The following MNT variants were observed in gnomAD, a reference collection of about 807,000 sequenced individuals.
The protein encoded by MNT is MAX network transcriptional repressor.
MNT carries 13 observed loss-of-function variants against 40.7 expected under a neutral mutation model. The ratio of observed to expected loss-of-function variants is 0.32; its 90% CI spans 0.21 to 0.51. The LOEUF (loss-of-function observed/expected upper bound fraction) is 0.51, where lower values mean the gene tolerates loss of function less well. MNT is among the 20% of genes least tolerant of loss of function. The pLI is 0.98. For synonymous variants in MNT, 426 were observed against 354.8 expected, an observed-to-expected ratio of 1.20 and a Z score of -2.26; for missense variants, 757 against 792.0, an observed-to-expected ratio of 0.96 and a Z score of 0.53.
Position 2,387,846 on chromosome 17 carries a change from C to T in MNT, c.1000+11G>A, listed in dbSNP as rs1425116393. On this transcript the variant is annotated intron_variant, in intron 5 of 5. Transcript: ENST00000174618. ...GAGGGCTGGGGGGCCAGCGTGGGGG[C>T]TGGGGCTCACCAGAGGCGGTGGAGG... 1.9e-6 allele frequency: 3 copies of T among 1,591,998 alleles called. No individual in the cohort carries two copies. The highest frequency in any genetic ancestry group is 4.5e-5 in the East Asian group (2 of 44,718).
In MNT at chr17:2,395,266, C is replaced by T. The variant is rs1339669974; in HGVS notation, c.262G>A (p.Val88Ile). 1.3e-6 allele frequency: 2 copies of T among 1,527,792 alleles called. No individual in the cohort carries two copies. The highest frequency in any genetic ancestry group is 1.8e-5 in the Admixed American group (1 of 56,120). 94.6% of individuals were successfully genotyped at this position (1,527,792 alleles called of 1,614,324 possible). ...TTGGTCACCACAGGGATAGGGATGA[C>T]AGTCAGTGGGGCAGGGGTGGCAAGT... is the stretch of plus-strand genomic sequence containing the variant. ...PPLATPAPLT[V>I]IPIPVVTNSP... Residue 88 changes from valine (V) to isoleucine (I), a missense_variant, in exon 2 of 6, where the codon GTC (valine) becomes ATC (isoleucine). Coordinates refer to ENST00000174618, the MANE Select transcript of MNT (RefSeq NM_020310.3).
chr17:2,398,201 G>A (rs57165687), intron 1 of MNT, among the ~76,000 whole-genome samples: 4 of 152,160 alleles, frequency 2.6e-5, no homozygotes, highest in Non-Finnish European at 4.4e-5. Flanking sequence ...CAACTCCCTC[G>A]AAACAAGGCA....
At chr17:2,388,797 G>A (rs569591625) in intron 4 of MNT, among the ~76,000 whole-genome samples, 14 of 151,228 alleles carry the variant, frequency 9.3e-5, no homozygotes, top group East Asian at 3.9e-4. Flanking sequence ...GCTCCAACCC[G>A]ACACTTCATC....
chr17:2,394,087 T>G lies in MNT; in HGVS notation c.763A>C (p.Thr255Pro). Residue 255 changes from threonine to proline, a missense_variant, in exon 4 of 6, where the codon ACG becomes CCG. Physicochemically the swap from Thr to Pro is conservative, Grantham distance 38. Transcript: ENST00000174618. ...RNIPNVDDKK[T>P]SNLSVLRTAL... ...GTCCGCAGCACGCTCAGATTGGACG[T>G]CTTCTTGTCATCCACGTTGGGGATG... 1 of 1,608,702 alleles carries G rather than the reference T, an allele frequency of 6.2e-7. No homozygotes were observed. The highest frequency in any genetic ancestry group is 8.5e-7 in the Non-Finnish European group (1 of 1,177,756).
intron 4 of MNT, chr17:2,389,215 T>C (rs2066493252): frequency 6.6e-6 from 1 of 151,666 alleles, no homozygotes; most frequent in South Asian, 2.1e-4. Flanking sequence ...CGAGGCTGGT[T>C]TGGATTTGGG....
rs774980466 is a variant in MNT, at chr17:2,394,103, G to C, written c.747C>G (p.Asn249Lys). 24 of 1,609,402 alleles carry C rather than the reference G, an allele frequency of 1.5e-5. No individual in the cohort carries two copies. The highest frequency in any genetic ancestry group is 3.3e-5 in the Admixed American group (2 of 59,796). The stretch of plus-strand genomic sequence containing the variant: ...GATTGGACGTCTTCTTGTCATCCAC[G>C]TTGGGGATGTTCCGCTTCAGGGTCT... ...CFETLKRNIP[N>K]VDDKKTSNLS... Residue 249 changes from asparagine to lysine, a missense_variant, in exon 4 of 6, where the codon AAC (asparagine) becomes AAG (lysine). Around this residue, in one of 4 missense-constraint regions of MNT, gnomAD observed 73 missense variants for 100.8 expected, o/e 0.72. Coordinates refer to ENST00000174618, the MANE Select transcript of MNT (RefSeq NM_020310.3).
intron 2 of MNT, 141 bp downstream of exon 2, chr17:2,394,734 G>A (rs946998596): frequency 7.6e-6 from 5 of 654,598 alleles, no homozygotes; most frequent in South Asian, 1.9e-5. Context: ...TCCTTCCCAG[G>A]ATAGACATGG....
rs200342283 is a variant in MNT, at chr17:2,387,665, G to A, written c.1001-16C>T. 1,799 of 1,613,736 alleles carry A rather than the reference G, an allele frequency of 1.1e-3. 4 individuals carry two copies. Among genetic ancestry groups the A allele is most frequent in the Non-Finnish European group, 1.4e-3 (1,635 of 1,179,878 alleles). ...TCCTCACCCTCTGTGGGGAACATGG[G>A]GCAGGGAGCAGGTCAGAAGGGCGGG... On this transcript the variant is annotated splice_polypyrimidine_tract_variant and intron_variant, in intron 5 of 5. Coordinates refer to ENST00000174618, the MANE Select transcript of MNT (RefSeq NM_020310.3).
In MNT at chr17:2,385,829, T is replaced by C. The variant is rs935442096; in HGVS notation, c.*1072A>G. On this transcript the variant is annotated 3_prime_UTR_variant, in exon 6 of 6. Coordinates refer to ENST00000174618, the MANE Select transcript of MNT (RefSeq NM_020310.3). ...AGCCGCTGGGTTTTTACCTTCCTGA[T>C]GTCTCAACGATGTGGCTTCTATGCT... 6.6e-6 allele frequency: 1 copy of C among 152,304 alleles called. No individual in the cohort carries two copies. The highest frequency in any genetic ancestry group is 2.4e-5 in the African/African-American group (1 of 41,450). The allele number at this position is 152,304 out of a possible 1,614,324, so 9.4% of individuals were successfully genotyped here.
chr17:2,394,277 G>GCGCGCGCGCACACA (rs1555611876), intron 3 of MNT, 28 bp downstream of exon 3: 3 of 1,489,246 alleles, frequency 2.0e-6, no homozygotes, highest in Non-Finnish European at 2.7e-6. Flanking sequence ...ACGCACGCAC[G>GCGCGCGCGCACACA]CACACACACA....
chr17:2,399,566 G>C (rs910306376), intron 1 of MNT, among the ~76,000 whole-genome samples: 64 of 152,312 alleles, frequency 4.2e-4, no homozygotes, highest in African/African-American at 1.4e-3. Context: ...TCCCTCGCAG[G>C]GCAAAGGCTC....
At chr17:2,389,782 G>A (rs1046220142) in intron 4 of MNT, 1 of 152,316 alleles carries the variant, frequency 6.6e-6, no homozygotes, top group East Asian at 1.9e-4. Context: ...GAAGGGGGTG[G>A]TGTCTCCAGC....
rs755974200 is a variant in MNT at position 2,387,011 on chromosome 17, C to A, written c.1639G>T (p.Val547Leu). Residue 547 changes from valine (V) to leucine (L), a missense_variant, in exon 6 of 6, where the codon GTG becomes TTG. By Grantham distance (32) the Val-to-Leu change is conservative (BLOSUM62 1). This residue lies in a region of MNT where 345 missense variants were observed against 380.1 expected (regional missense o/e 0.91). Coordinates refer to ENST00000174618, the MANE Select transcript of MNT (RefSeq NM_020310.3). ...GGGTGGTGCACCACCTGAGCCCCCA[C>A]GGCCGGCTTTGCCATGACAGTAGCC... is the stretch of plus-strand genomic sequence containing the variant. ...PPATVMAKPAVGAQVVHHPQL... is the reference protein window; with the variant it reads ...PPATVMAKPALGAQVVHHPQL... 2 of 1,536,854 alleles carry A rather than the reference C, an allele frequency of 1.3e-6. No individual in the cohort carries two copies. Among genetic ancestry groups the A allele is most frequent in the East Asian group, 4.8e-5 (2 of 41,758 alleles).
At chr17:2,391,960 C>T (rs757425819) in intron 4 of MNT, 1 of 152,286 alleles carries the variant, frequency 6.6e-6, no homozygotes, top group Non-Finnish European at 1.5e-5. Context: ...CAAAAAGCAT[C>T]CTGTTCCCTC....
intron 2 of MNT, 101 bp from the exon 3 acceptor site, chr17:2,394,447 C>A: frequency 6.5e-7 from 1 of 1,549,084 alleles, no homozygotes. Context: ...CTGTTTGTCC[C>A]CAACACTGTC....
Position 2,395,211 on chromosome 17 carries a change from G to C in MNT, c.317C>G (p.Pro106Arg). ...NSPQPLPPPP[P>R]LPAAAQPLPL... is the part of the protein sequence containing the mutation. ...CAGAGGCTGGGCTGCCGCGGGCAAG[G>C]GTGGGGGTGGGGGTAGAGGCTGAGG... The change falls in exon 2 of 6, where the codon CCC (proline) becomes CGC (arginine). Residue 106 changes from proline to arginine, a missense_variant. This residue lies in a region of MNT where 335 missense variants were observed against 291.4 expected (regional missense o/e 1.15). Coordinates refer to ENST00000174618, the MANE Select transcript of MNT (RefSeq NM_020310.3). 2.7e-6 allele frequency: 4 copies of C among 1,467,922 alleles called. No homozygotes were observed. The highest frequency in any genetic ancestry group is 3.6e-6 in the Non-Finnish European group (4 of 1,110,114). 90.9% of individuals were successfully genotyped at this position (1,467,922 alleles called of 1,614,324 possible).
intron 4 of MNT, chr17:2,392,848 C>T (rs1244374529): frequency 6.6e-6 from 1 of 152,092 alleles, no homozygotes; most frequent in Non-Finnish European, 1.5e-5. Flanking sequence ...CGCGCCAGCC[C>T]CGCCCCCTGG....
rs371767991 is a variant in MNT at position 2,400,760 on chromosome 17, C to T, written c.-48G>A. On this transcript the variant is annotated 5_prime_UTR_variant, in exon 1 of 6. Transcript: ENST00000174618. ...GCGCCGGGGCCGAGGCTGCGGCCCG[C>T]GAGCCGGGCACAGGTCAGGCTGGCG... The T allele has an allele frequency of 1.6e-4, 238 of 1,475,850 alleles. No homozygotes were observed. The highest frequency in any genetic ancestry group is 2.0e-4 in the Non-Finnish European group (226 of 1,113,858). The allele number at this position is 1,475,850 out of a possible 1,614,324, so 91.4% of individuals were successfully genotyped here.
intron 4 of MNT, among the ~76,000 whole-genome samples, chr17:2,392,336 A>C (rs2151668453): frequency 6.6e-6 from 1 of 152,268 alleles, no homozygotes; most frequent in East Asian, 1.9e-4. Context: ...AGCCTGAGTG[A>C]GGCCTACCCC....
Sources: allele counts gnomAD v4.1 joint callset (sites outside exome capture counted in the v4.1 genomes callset), GRCh38; gene constraint gnomAD v4.1.1; regional missense constraint gnomAD v4.1.1; transcripts MANE v1.5; gene names NCBI Gene and HGNC (gene_info 2026-07-23, HGNC 2026-07-21).